Variants in GRM8 observed in about 807,000 individuals in gnomAD.
GRM8 encodes the protein metabotropic glutamate receptor 8.
Under a neutral mutation model 87.2 loss-of-function variants are expected in GRM8, and 47 were observed. The observed-to-expected ratio is 0.54, with a 90% CI of 0.43 to 0.69. The LOEUF is 0.69. Among genes scored for constraint, GRM8 ranks in the 30% least tolerant of loss-of-function variants. GRM8 has a pLI of 0.00. For missense variants in GRM8, 1,019 were observed against 1,139.2 expected (o/e 0.89, Z 1.52); for synonymous variants, 396 against 404.5 (o/e 0.98, Z 0.25).
chr7:127,076,767 C>T (rs2132731507), intron 3 of GRM8, among the ~76,000 whole-genome samples: 1 of 152,294 alleles, frequency 6.6e-6, no homozygotes, highest in Non-Finnish European at 1.5e-5. Flanking sequence ...TTGGGCTGGT[C>T]TGGCTCAAAC....
At chr7:127,209,336 A>G (rs1329233605) in intron 2 of GRM8, among the ~76,000 whole-genome samples, 4 of 152,236 alleles carry the variant, frequency 2.6e-5, no homozygotes, top group Non-Finnish European at 5.9e-5. Flanking sequence ...TGTAAAGTCA[A>G]TAATACACTG....
intron 7 of GRM8, among the ~76,000 whole-genome samples, chr7:126,680,104 G>A (rs934527662): frequency 4.6e-5 from 7 of 151,994 alleles, no homozygotes; most frequent in African/African-American, 1.7e-4. Context: ...TGCACAATGA[G>A]TGAGATGCGC....
At chr7:126,453,564 G>A (rs546666379) in intron 9 of GRM8, among the ~76,000 whole-genome samples, 17 of 151,758 alleles carry the variant, frequency 1.1e-4, no homozygotes, top group African/African-American at 2.9e-4. Context: ...CCAACAAGCA[G>A]AATATCAGCT....
chr7:127,210,809 G>A lies in GRM8; in HGVS notation c.510+31886C>T, dbSNP rs369587221. 2.2e-4 allele frequency among the ~76,000 whole-genome samples: 34 copies of A among 151,142 alleles called. No individual in the cohort carries two copies. In the East Asian group the frequency reaches 3.1e-3, roughly 14 times the overall value. ...CAAATAAAAGATTCAACATCTGACC[G>A]ACATGCTTTCCCATATTTTATAAGA... On this transcript the variant is annotated intron_variant, in intron 2 of 10. Transcript: ENST00000339582.
intron 2 of GRM8, among the ~76,000 whole-genome samples, chr7:127,195,726 A>C (rs1795244339): frequency 6.6e-6 from 1 of 152,088 alleles, no homozygotes; most frequent in South Asian, 2.1e-4. Flanking sequence ...CTATCCAGAA[A>C]AATGAGGTGC....
intron 6 of GRM8, among the ~76,000 whole-genome samples, chr7:126,900,650 C>CA (rs1801985483): frequency 1.1e-5 from 1 of 94,244 alleles, no homozygotes; most frequent in African/African-American, 4.8e-5. Flanking sequence ...GCTGGGACTA[C>CA]AGGCGCCCGC....
At position 126,790,615 on chromosome 7, in the gene GRM8, G is replaced by A. The variant is rs543649304; in HGVS notation, c.1157-20550C>T. ...TTTTCATTAAGGATTATGATTGTAA[G>A]TCCTAGAGGTGAATCCGCTTTGTTT... On this transcript the variant is annotated intron_variant, in intron 6 of 10. Transcript: ENST00000339582. Among the ~76,000 whole-genome samples the A allele has an allele frequency of 8.5e-5, 13 of 152,268 alleles. No homozygotes were observed. The South Asian group carries it at 2.7e-3, about 32-fold the overall frequency.
chr7:127,243,543 A>G (rs1448643328), intron 1 of GRM8, 28 bp from the exon 2 acceptor site: 14 of 278,026 alleles, frequency 5.0e-5, no homozygotes, highest in Non-Finnish European at 8.7e-5. Context: ...AAGGGGGTTC[A>G]GTTCAGTGGG....
chr7:126,866,825 C>G (rs1230448540), intron 6 of GRM8, among the ~76,000 whole-genome samples: 1 of 151,972 alleles, frequency 6.6e-6, no homozygotes, highest in Non-Finnish European at 1.5e-5. Flanking sequence ...CTACTGACCT[C>G]ATGATCCACC....
intron 9 of GRM8, chr7:126,511,696 T>C (rs1811396302): frequency 6.6e-6 from 1 of 152,114 alleles, no homozygotes; most frequent in Non-Finnish European, 1.5e-5. Context: ...TGCACCAATG[T>C]AAATTTAGAA....
chr7:126,904,456 A>G (rs1802474254), intron 4 of GRM8, 92 bp downstream of exon 4: 1 of 1,264,584 alleles, frequency 7.9e-7, no homozygotes. Context: ...TTGGAAGGCA[A>G]TTACAAGCTT....
intron 3 of GRM8, among the ~76,000 whole-genome samples, chr7:126,978,277 C>T (rs1229482355): frequency 6.6e-6 from 1 of 151,902 alleles, no homozygotes; most frequent in Non-Finnish European, 1.5e-5. Context: ...AGCAAAAGCC[C>T]CACTTATCTC....
chr7:127,173,710 A>C (rs946650198), intron 2 of GRM8, among the ~76,000 whole-genome samples: 1 of 152,144 alleles, frequency 6.6e-6, no homozygotes, highest in Admixed American at 6.6e-5. Context: ...CACCTAAGAC[A>C]TCTGTCCCCA....
At chr7:126,708,719 C>A (rs1353852972) in intron 7 of GRM8, among the ~76,000 whole-genome samples, 1 of 151,782 alleles carries the variant, frequency 6.6e-6, no homozygotes, top group Non-Finnish European at 1.5e-5. Context: ...AAAAAAAATA[C>A]CTCATAAACT....
At chr7:126,903,484 G>A (rs1802304679) in intron 5 of GRM8, among the ~76,000 whole-genome samples, 1 of 150,650 alleles carries the variant, frequency 6.6e-6, no homozygotes. Context: ...CAAACTCAAA[G>A]TGCAATTACT....
At chr7:126,951,756 TA>T (rs1460804624) in intron 3 of GRM8, among the ~76,000 whole-genome samples, 1 of 151,946 alleles carries the variant, frequency 6.6e-6, no homozygotes, top group Non-Finnish European at 1.5e-5. Context: ...ATTTGAGAAA[TA>T]AATTACAAAT....
chr7:126,792,820 T>A (rs1585956849), intron 6 of GRM8, among the ~76,000 whole-genome samples: 1 of 152,190 alleles, frequency 6.6e-6, no homozygotes, highest in South Asian at 2.1e-4. Flanking sequence ...TTTGAACACT[T>A]GCAAACCATC....
rs1473965264 is a variant in GRM8 at position 127,106,752 on chromosome 7, T to C, written c.511-40A>G. 2.9e-6 allele frequency: 4 copies of C among 1,369,394 alleles called. No individual in the cohort carries two copies. In the Admixed American group the frequency reaches 6.7e-5, roughly 23 times the overall value. 84.8% of individuals were successfully genotyped at this position (1,369,394 alleles called of 1,614,324 possible). A position where few individuals can be genotyped will look rare whatever the true frequency, so the allele number is the denominator to read the frequency against. ...ATGGGTCATTTCAACCCATGACGAATCTTGAAGAATGATGGATTGTCATAT... is the reference window on the plus strand; with the variant it reads ...ATGGGTCATTTCAACCCATGACGAACCTTGAAGAATGATGGATTGTCATAT... On this transcript the variant is annotated intron_variant, in intron 2 of 10. Transcript: ENST00000339582.
At chr7:126,445,586 G>C (rs1801929696) in intron 10 of GRM8, 1 of 153,254 alleles carries the variant, frequency 6.5e-6, no homozygotes, top group Non-Finnish European at 1.5e-5. Context: ...GAAGTCAAGG[G>C]AAGCCCTCAG....
Sources: gnomAD v4.1 joint callset for allele counts (sites outside exome capture counted in the v4.1 genomes callset) on GRCh38, gnomAD v4.1.1 for gene constraint, MANE v1.5 for transcripts, NCBI Gene and HGNC (gene_info 2026-07-23, HGNC 2026-07-21) for gene names.